The following ARMC9 variants were observed in gnomAD, a reference collection of about 807,000 sequenced individuals.
ARMC9 encodes the protein lisH domain-containing protein ARMC9.
In ARMC9, 94 loss-of-function variants were observed where a neutral mutation model predicts 107.0. The ratio of observed to expected loss-of-function variants is 0.88; its 90% confidence interval spans 0.74 to 1.04. The LOEUF is 1.04. Ranked by LOEUF, ARMC9 falls within the 50% of genes least tolerant of loss-of-function variation. ARMC9 has a pLI of 0.00. For missense variants in ARMC9, 942 were observed against 1,030.1 expected (o/e 0.91, Z 1.17); for synonymous variants, 380 against 396.9 (o/e 0.96, Z 0.51).
intron 23 of ARMC9, among the ~76,000 whole-genome samples, chr2:231,366,893 C>G (rs1485986419): frequency 6.6e-6 from 1 of 150,994 alleles, no homozygotes; most frequent in Non-Finnish European, 1.5e-5. Context: ...CTCTGTCGCC[C>G]AGGCTAGAGT....
chr2:231,270,187 T>G (rs2039203674), intron 12 of ARMC9, among the ~76,000 whole-genome samples: 1 of 152,190 alleles, frequency 6.6e-6, no homozygotes, highest in African/African-American at 2.4e-5. Context: ...GGGGTGGCCC[T>G]CTGTTCCACA....
chr2:231,220,596 C>CAAAAAA (rs71396668), intron 5 of ARMC9, among the ~76,000 whole-genome samples: 16 of 66,166 alleles, frequency 2.4e-4, no homozygotes, highest in African/African-American at 7.4e-4. Flanking sequence ...GACTCCATCT[C>CAAAAAA]AAAAAAAAAA....
At chr2:231,322,246 C>G (rs1228941397) in intron 19 of ARMC9, among the ~76,000 whole-genome samples, 3 of 152,340 alleles carry the variant, frequency 2.0e-5, no homozygotes, top group Non-Finnish European at 2.9e-5. Context: ...CACACGTGGC[C>G]AGGGCCCATT....
rs139492940 is a variant in ARMC9, at chr2:231,268,790, A to G, written c.1120-2192A>G. On this transcript the variant is annotated intron_variant, in intron 12 of 24. Coordinates refer to ENST00000611582, the MANE Select transcript of ARMC9 (RefSeq NM_001352754.2). ...CAGAAATCCAAAGCCAGCTGGGCAC[A>G]GTGGCTCATGCCCATAATTCTAGCA... 4.4e-3 allele frequency among the ~76,000 whole-genome samples: 669 copies of G among 152,236 alleles called. 3 individuals are homozygous for G. Among genetic ancestry groups the G allele is most frequent in the African/African-American group, 0.015 (632 of 41,548 alleles).
chr2:231,355,838 G>C lies in ARMC9; in HGVS notation c.2035G>C (p.Ala679Pro). The C allele has an allele frequency of 6.5e-7, 1 of 1,536,082 alleles. No homozygotes were observed. The highest frequency in any genetic ancestry group is 1.2e-5 in the South Asian group (1 of 84,046). Residue 679 changes from alanine (A) to proline (P), a missense_variant, in exon 22 of 25, where the codon GCC (alanine) becomes CCC (proline). Transcript: ENST00000611582. ...QHTPPQTAQH[A>P]RNGHPQALPA... ...CACACCTCCCCAGACAGCCCAGCAC[G>C]CCAGAAACGGCCACCCGCAGGCCCT...
chr2:231,328,757 CAT>C (rs34492828), intron 19 of ARMC9, among the ~76,000 whole-genome samples: 43,990 of 143,958 alleles, frequency 0.31, 6,963 homozygotes, highest in Middle Eastern at 0.35. Context: ...TGATTCTTCC[CAT>C]ATATTGTTCT....
chr2:231,329,946 C>T (rs1038244779), intron 19 of ARMC9, among the ~76,000 whole-genome samples: 2 of 152,070 alleles, frequency 1.3e-5, no homozygotes, highest in African/African-American at 4.8e-5. Flanking sequence ...GCTTTTCTTG[C>T]CTTGTCAGGA....
intron 22 of ARMC9, among the ~76,000 whole-genome samples, chr2:231,359,205 G>C (rs552459646): frequency 1.5e-4 from 23 of 151,266 alleles, no homozygotes; most frequent in Admixed American, 5.9e-4. Context: ...CCCTGCCTCA[G>C]CCTCCTGAGT....
intron 6 of ARMC9, among the ~76,000 whole-genome samples, chr2:231,223,693 A>G (rs750219301): frequency 4.6e-5 from 7 of 152,154 alleles, no homozygotes; most frequent in Non-Finnish European, 5.9e-5. Flanking sequence ...ATTTGTCACT[A>G]GGACTCCATG....
chr2:231,332,330 G>GAC lies in ARMC9; in HGVS notation c.1878+433_1878+434insAC, dbSNP rs397962967. On this transcript the variant is annotated intron_variant, in intron 20 of 24. Coordinates refer to ENST00000611582, the MANE Select transcript of ARMC9 (RefSeq NM_001352754.2). ...CACTGAAGCACAGTGTGGAGAGAGA[G>GAC]TGGGGGCTGAGCAAGGAGGGGCATT... Among the ~76,000 whole-genome samples, 3 of 151,956 alleles carry GAC rather than the reference G, an allele frequency of 2.0e-5. No individual in the cohort carries two copies. In the East Asian group the frequency reaches 5.8e-4, roughly 29 times the overall value.
rs142861051 is a variant in ARMC9, at chr2:231,365,999, T to C, written c.2262-3954T>C. Among the ~76,000 whole-genome samples the C allele has an allele frequency of 2.1e-3, 319 of 152,210 alleles. 2 individuals carry two copies. Among genetic ancestry groups the C allele is most frequent in the African/African-American group, 7.2e-3 (298 of 41,532 alleles). ...GGCTCATTCCCACCCCTCACAGTCA[T>C]GTCCTAGGGAGAGGGGGACAGGCTT... On this transcript the variant is annotated intron_variant, in intron 23 of 24. Coordinates refer to ENST00000611582, the MANE Select transcript of ARMC9 (RefSeq NM_001352754.2).
rs2045580216 is a variant in ARMC9, at chr2:231,361,481, A to G, written c.2261+598A>G. Among the ~76,000 whole-genome samples the G allele has an allele frequency of 2.0e-5, 3 of 151,880 alleles. No homozygotes were observed. In the South Asian group the frequency reaches 6.2e-4, roughly 32 times the overall value. On this transcript the variant is annotated intron_variant, in intron 23 of 24. Transcript: ENST00000611582. ...AAACTAAAAAAAAAAAAAGAAAAGA[A>G]AAAACTGGACCCCCGAGCAGAAGAA...
Position 231,240,106 on chromosome 2 carries a change from C to T in ARMC9, c.879+65C>T, listed in dbSNP as rs186352545. 1.0e-4 allele frequency: 137 copies of T among 1,324,238 alleles called. No individual in the cohort carries two copies. In the African/African-American group the frequency reaches 1.8e-3, roughly 17 times the overall value. 82.0% of individuals were successfully genotyped at this position (1,324,238 alleles called of 1,614,324 possible). ...CCCCCCAAATTTAAAAAGAATGTAA[C>T]TTTAAAAATAGCATGAAAAAATAAC... On this transcript the variant is annotated intron_variant, in intron 9 of 24. Coordinates refer to ENST00000611582, the MANE Select transcript of ARMC9 (RefSeq NM_001352754.2).
intron 22 of ARMC9, among the ~76,000 whole-genome samples, chr2:231,357,466 C>T (rs112652927): frequency 1.7e-4 from 26 of 152,360 alleles, no homozygotes; most frequent in African/African-American, 6.3e-4. Context: ...GCAGCCCTGC[C>T]CTTCTCCACC....
At chr2:231,355,320 A>G (rs2045293646) in intron 21 of ARMC9, among the ~76,000 whole-genome samples, 1 of 152,216 alleles carries the variant, frequency 6.6e-6, no homozygotes, top group East Asian at 1.9e-4. Flanking sequence ...AGCCTGGGCG[A>G]CAGAGTGAGA....
In ARMC9 at chr2:231,255,515, A is replaced by G. The variant is rs187939891; in HGVS notation, c.880-1071A>G. Among the ~76,000 whole-genome samples, 804 of 152,266 alleles carry G rather than the reference A, an allele frequency of 5.3e-3. 6 individuals carry two copies. Among genetic ancestry groups the G allele is most frequent in the African/African-American group, 0.018 (750 of 41,542 alleles). Reference sequence around the variant, plus strand: ...TCAGGGAGAACCCATCGTTTTCCATAGAGGATTTTTTTTTGTTTGGTTGTT... The same window carrying G: ...TCAGGGAGAACCCATCGTTTTCCATGGAGGATTTTTTTTTGTTTGGTTGTT... On this transcript the variant is annotated intron_variant, in intron 9 of 24. Transcript: ENST00000611582. This position sits in a 1 kb window ranked among gnomAD's most constrained non-coding sequence, Gnocchi z 4.7.
intron 19 of ARMC9, among the ~76,000 whole-genome samples, chr2:231,331,104 T>C (rs924332732): frequency 5.9e-5 from 9 of 152,120 alleles, no homozygotes; most frequent in Admixed American, 5.9e-4. Flanking sequence ...ATCATGCCAC[T>C]GCACTGCAGC....
chr2:231,341,930 G>A lies in ARMC9; in HGVS notation c.1879-3045G>A, dbSNP rs781167562. ...TCCGTCTGTAACACTGATGAAAGCC[G>A]GGTTCTCTGAATGAGTACAGGTGGA... On this transcript the variant is annotated intron_variant, in intron 20 of 24. Transcript: ENST00000611582. Among the ~76,000 whole-genome samples the A allele has an allele frequency of 6.4e-4, 98 of 152,092 alleles. 1 individual carries two copies. Among genetic ancestry groups the A allele is most frequent in the African/African-American group, 1.3e-3 (52 of 41,392 alleles).
chr2:231,291,415 A>G lies in ARMC9; in HGVS notation c.1689A>G (p.Ile563Met). 6.2e-7 allele frequency: 1 copy of G among 1,613,764 alleles called. No homozygotes were observed. The highest frequency in any genetic ancestry group is 8.5e-7 in the Non-Finnish European group (1 of 1,179,820). Residue 563 changes from isoleucine to methionine, a missense_variant, in exon 18 of 25, where the codon ATA becomes ATG. Transcript: ENST00000611582. Reference sequence around the variant, plus strand: ...GCAATGCTGAAATGATCCGCCAGATAGAATTCATCATCAAGCAGCTAAATT... The same window carrying G: ...GCAATGCTGAAATGATCCGCCAGATGGAATTCATCATCAAGCAGCTAAATT... ...KEGNAEMIRQ[I>M]EFIIKQLNSE...
Sources: gnomAD v4.1 joint callset for allele counts (sites outside exome capture counted in the v4.1 genomes callset) on GRCh38, gnomAD v4.1.1 for gene constraint, Gnocchi (gnomAD v3.1) non-coding constraint, MANE v1.5 for transcripts, NCBI Gene and HGNC (gene_info 2026-07-23, HGNC 2026-07-21) for gene names.